Variants in EQTN observed in about 807,000 individuals in gnomAD.
EQTN encodes Acrosome formation associated factor.
A neutral mutation model predicts 26.9 loss-of-function variants in EQTN; 29 were observed. The ratio of observed to expected loss-of-function variants is 1.08; its 90% CI spans 0.80 to 1.47. The LOEUF is 1.47. Among genes scored for constraint, EQTN ranks in the 40% most tolerant of loss-of-function variants. EQTN has a pLI of 0.00. For missense variants in EQTN, 391 were observed against 346.1 expected (o/e 1.13, Z -1.03); for synonymous variants, 129 against 120.0 (o/e 1.07, Z -0.49).
intron 3 of EQTN, among the ~76,000 whole-genome samples, 157 bp downstream of exon 3, chr9:27,294,159 A>G (rs922433903): frequency 2.0e-5 from 3 of 152,214 alleles, no homozygotes; most frequent in Admixed American, 1.3e-4. Flanking sequence ...ATGGCCAAGA[A>G]CTAAGCTGGA....
intron 3 of EQTN, among the ~76,000 whole-genome samples, chr9:27,293,737 G>A (rs1563832944): frequency 1.3e-5 from 2 of 152,158 alleles, no homozygotes; most frequent in Admixed American, 6.5e-5. Context: ...CAAGATTCCC[G>A]TAAGTGATTT....
chr9:27,284,778 A>G lies in EQTN; in HGVS notation c.830T>C (p.Ile277Thr). 1.2e-6 allele frequency: 2 copies of G among 1,614,134 alleles called. No individual in the cohort carries two copies. Among genetic ancestry groups the G allele is most frequent in the Non-Finnish European group, 8.5e-7 (1 of 1,180,008 alleles). Reference protein sequence around the residue: ...TSESKIMTDIISIGSDNEMHE... With the variant: ...TSESKIMTDITSIGSDNEMHE... ...CATCTCATTATCTGAGCCTATGGAA[A>G]TGATATCCGTCATTATCTTAGATTC... Residue 277 changes from isoleucine (I) to threonine (T), a missense_variant, in exon 8 of 8, where the codon ATT becomes ACT. Coordinates refer to ENST00000380032, the MANE Select transcript of EQTN (RefSeq NM_020641.3).
At chr9:27,295,390 T>C (rs1356024608) in intron 2 of EQTN, among the ~76,000 whole-genome samples, 3 of 152,198 alleles carry the variant, frequency 2.0e-5, no homozygotes, top group African/African-American at 7.2e-5. Context: ...ATTGGCCTAA[T>C]TTCATCTTAG....
At chr9:27,287,277 G>A (rs567721551) in intron 6 of EQTN, among the ~76,000 whole-genome samples, 1 of 152,306 alleles carries the variant, frequency 6.6e-6, no homozygotes, top group African/African-American at 2.4e-5. Flanking sequence ...TTGTCAGTGT[G>A]TGACCTTAGA....
rs762761453 is a variant in EQTN at position 27,284,955 on chromosome 9, C to T, written c.653G>A (p.Ser218Asn). Residue 218 changes from serine (S) to asparagine (N), a missense_variant, in exon 8 of 8, where the codon AGT becomes AAT. Transcript: ENST00000380032. ...LRHLSYKSCE[S>N]QYSVNPELAT... The stretch of plus-strand genomic sequence containing the variant: ...CAGCTCTGGGTTGACAGAGTACTGA[C>T]TCTCACAACTTTTATAACTGAAGAA... 3 of 1,612,376 alleles carry T rather than the reference C, an allele frequency of 1.9e-6. No homozygotes were observed. The highest frequency in any genetic ancestry group is 2.5e-6 in the Non-Finnish European group (3 of 1,179,446).
intron 7 of EQTN, 128 bp from the exon 8 acceptor site, chr9:27,285,100 A>AACACTT: frequency 5.6e-6 from 2 of 354,492 alleles, no homozygotes; most frequent in Non-Finnish European, 1.0e-5. Context: ...TAGTAACATT[A>AACACTT]TGTGAATGAT....
At chr9:27,288,908 A>G (rs1346640723) in intron 6 of EQTN, among the ~76,000 whole-genome samples, 1 of 152,160 alleles carries the variant, frequency 6.6e-6, no homozygotes, top group Admixed American at 6.5e-5. Flanking sequence ...AGGGCAGTGA[A>G]ACTTTCGTAT....
chr9:27,286,902 G>T (rs948534082), intron 6 of EQTN, among the ~76,000 whole-genome samples: 3 of 152,022 alleles, frequency 2.0e-5, no homozygotes, highest in African/African-American at 7.2e-5. Flanking sequence ...TTTTATTACT[G>T]AAAAGACTAA....
chr9:27,296,761 A>G (rs1587118526), intron 1 of EQTN, 23 bp from the exon 2 acceptor site: 4 of 1,595,424 alleles, frequency 2.5e-6, no homozygotes, highest in Non-Finnish European at 3.4e-6. Context: ...ATCACACACC[A>G]TAGATCAGAA....
intron 6 of EQTN, among the ~76,000 whole-genome samples, chr9:27,288,117 C>T (rs1274049031): frequency 1.3e-5 from 2 of 152,094 alleles, no homozygotes; most frequent in African/African-American, 2.4e-5. Context: ...TCTTGAAGCG[C>T]CACAAGGCAA....
intron 6 of EQTN, among the ~76,000 whole-genome samples, chr9:27,287,273 G>A (rs1820142071): frequency 6.6e-6 from 1 of 152,142 alleles, no homozygotes; most frequent in Non-Finnish European, 1.5e-5. Context: ...ATAATTGTCA[G>A]TGTGTGACCT....
rs542180324 is a variant in EQTN, at chr9:27,297,150, T to C, written c.-95A>G. On this transcript the variant is annotated 5_prime_UTR_variant, in exon 1 of 8. Coordinates refer to ENST00000380032, the MANE Select transcript of EQTN (RefSeq NM_020641.3). The stretch of plus-strand genomic sequence containing the variant: ...GGTCCTGTGTCTAACTAGGACATTA[T>C]GACATCACTGTCAGATGGGCATCAG... 56 of 800,168 alleles carry C rather than the reference T, an allele frequency of 7.0e-5. No homozygotes were observed. The African/African-American group carries it at 9.0e-4, about 13-fold the overall frequency. The allele number at this position is 800,168 out of a possible 1,614,324, so 49.6% of individuals were successfully genotyped here. A position where few individuals can be genotyped will look rare whatever the true frequency, so the allele number is the denominator to read the frequency against.
At chr9:27,286,928 CA>C (rs1231501506) in intron 6 of EQTN, among the ~76,000 whole-genome samples, 3 of 152,066 alleles carry the variant, frequency 2.0e-5, no homozygotes, top group Non-Finnish European at 4.4e-5. Flanking sequence ...GTGTACTTCA[CA>C]TTACAAAAAT....
chr9:27,288,950 C>T (rs942384455), intron 6 of EQTN, among the ~76,000 whole-genome samples: 1 of 152,144 alleles, frequency 6.6e-6, no homozygotes, highest in Non-Finnish European at 1.5e-5. Context: ...TGATATTATG[C>T]ATTTGTCAAA....
chr9:27,288,820 G>A (rs1314969344), intron 6 of EQTN, among the ~76,000 whole-genome samples: 1 of 152,148 alleles, frequency 6.6e-6, no homozygotes, highest in Non-Finnish European at 1.5e-5. Context: ...TATAGCGATA[G>A]TAAAAAGATC....
chr9:27,292,376 G>T (rs1317152885), intron 4 of EQTN, 25 bp downstream of exon 4: 3 of 1,442,942 alleles, frequency 2.1e-6, no homozygotes, highest in Non-Finnish European at 1.9e-6. Context: ...CTCCAGGTAT[G>T]AATACAGTGT....
intron 7 of EQTN, among the ~76,000 whole-genome samples, chr9:27,285,513 A>G (rs531999940): frequency 3.3e-5 from 5 of 152,356 alleles, no homozygotes; most frequent in Admixed American, 2.0e-4. Context: ...ACTAGAATTT[A>G]TAAACCAATT....
At position 27,291,036 on chromosome 9, in the gene EQTN, C is replaced by G. The variant is rs548430126; in HGVS notation, c.404G>C (p.Trp135Ser). The G allele has an allele frequency of 2.5e-6, 4 of 1,611,966 alleles. No individual in the cohort carries two copies. In the Admixed American group the frequency reaches 5.0e-5, roughly 20 times the overall value. The change falls in exon 5 of 8, where the codon TGG (tryptophan) becomes TCG (serine). Residue 135 changes from tryptophan to serine, a missense_variant. Transcript: ENST00000380032. The stretch of plus-strand genomic sequence containing the variant: ...GACTTTACCTTTAGCTAACATTGTC[C>G]AAAATGCAGGCACGTTTGGGGTTGA... ...QRSTPNVPAF[W>S]TMLAKAINGT...
chr9:27,292,645 G>A (rs1189491953), intron 3 of EQTN, among the ~76,000 whole-genome samples, 158 bp from the exon 4 acceptor site: 3 of 152,154 alleles, frequency 2.0e-5, no homozygotes, highest in African/African-American at 7.2e-5. Context: ...AGAAATAAAG[G>A]AGAAAGAAGA....
Sources: gnomAD v4.1 joint callset for allele counts (sites outside exome capture counted in the v4.1 genomes callset) on GRCh38, gnomAD v4.1.1 for gene constraint, MANE v1.5 for transcripts, NCBI Gene and HGNC (gene_info 2026-07-23, HGNC 2026-07-21) for gene names.